The following SLC16A1 variants were observed in gnomAD, a reference collection of about 807,000 sequenced individuals.
The protein encoded by SLC16A1 is monocarboxylate transporter 1.
In SLC16A1, 11 loss-of-function variants were observed where a neutral mutation model predicts 32.2. The observed-to-expected ratio is 0.34, with a 90% CI of 0.21 to 0.56. The LOEUF (loss-of-function observed/expected upper bound fraction) is 0.56, where lower values mean the gene tolerates loss of function less well. Among genes scored for constraint, SLC16A1 ranks in the 20% least tolerant of loss-of-function variants. The pLI, the probability that SLC16A1 is intolerant of heterozygous loss-of-function variation, is 0.87. For synonymous variants in SLC16A1, 231 were observed against 226.8 expected (o/e 1.02, Z -0.17); for missense variants, 435 against 615.0 (o/e 0.71, Z 3.10).
At chr1:112,946,191 G>A (rs1044817033) in intron 1 of SLC16A1, among the ~76,000 whole-genome samples, 2 of 152,068 alleles carry the variant, frequency 1.3e-5, no homozygotes, top group African/African-American at 4.8e-5. Flanking sequence ...CTACCACAGT[G>A]TAACAAAGGG....
At chr1:112,935,723 A>G (rs1014358057) in intron 1 of SLC16A1, 1 of 152,254 alleles carries the variant, frequency 6.6e-6, no homozygotes, top group Non-Finnish European at 1.5e-5. Context: ...AGATAAAGAG[A>G]AAAATCTTAG....
intron 1 of SLC16A1, among the ~76,000 whole-genome samples, chr1:112,947,558 A>G (rs1649746948): frequency 6.6e-6 from 1 of 152,220 alleles, no homozygotes; most frequent in Non-Finnish European, 1.5e-5. Flanking sequence ...TTAGTTTTAC[A>G]TTAACAAAAT....
At chr1:112,955,122 A>C (rs1228802109) in intron 1 of SLC16A1, among the ~76,000 whole-genome samples, 2 of 152,204 alleles carry the variant, frequency 1.3e-5, no homozygotes, top group African/African-American at 2.4e-5. Flanking sequence ...CTAATCAGCC[A>C]CTGGAAACCC....
chr1:112,930,069 T>A (rs1367474864), intron 1 of SLC16A1, among the ~76,000 whole-genome samples: 1 of 152,184 alleles, frequency 6.6e-6, no homozygotes, highest in Non-Finnish European at 1.5e-5. Context: ...AGTAAGCGTT[T>A]CCCTGAGTTC....
chr1:112,951,382 G>GA (rs1202879794), intron 1 of SLC16A1, among the ~76,000 whole-genome samples: 1 of 150,618 alleles, frequency 6.6e-6, no homozygotes, highest in African/African-American at 2.5e-5. Context: ...AGAATCAGAA[G>GA]AAAAAAACTA....
At chr1:112,919,387 G>A (rs975419340) in intron 3 of SLC16A1, among the ~76,000 whole-genome samples, 7 of 152,088 alleles carry the variant, frequency 4.6e-5, no homozygotes, top group African/African-American at 1.2e-4. Flanking sequence ...TTTTACTTTC[G>A]GATTAAGGTA....
chr1:112,925,271 G>A (rs950892636), intron 2 of SLC16A1, among the ~76,000 whole-genome samples: 4 of 152,158 alleles, frequency 2.6e-5, no homozygotes, highest in Non-Finnish European at 5.9e-5. Context: ...CTAGGCTCAA[G>A]TGATACTGCC....
intron 1 of SLC16A1, among the ~76,000 whole-genome samples, chr1:112,941,433 C>G (rs1649510271): frequency 6.6e-6 from 1 of 152,062 alleles, no homozygotes; most frequent in Non-Finnish European, 1.5e-5. Context: ...AGGCATGCTG[C>G]CACCACACCT....
chr1:112,920,355 C>T (rs911567149), intron 3 of SLC16A1, among the ~76,000 whole-genome samples: 2 of 152,078 alleles, frequency 1.3e-5, no homozygotes, highest in African/African-American at 2.4e-5. Flanking sequence ...CGCCTGTAAT[C>T]CCAGCACTTT....
intron 1 of SLC16A1, among the ~76,000 whole-genome samples, chr1:112,948,430 C>T (rs983305685): frequency 6.6e-5 from 10 of 152,028 alleles, no homozygotes; most frequent in Admixed American, 5.2e-4. Flanking sequence ...GACTATGCTG[C>T]CATTAAGATA....
chr1:112,949,612 T>C (rs987723810), intron 1 of SLC16A1, among the ~76,000 whole-genome samples: 1 of 152,210 alleles, frequency 6.6e-6, no homozygotes, highest in African/African-American at 2.4e-5. Flanking sequence ...CAGGGGTCCT[T>C]AGACTCTGGT....
At position 112,913,566 on chromosome 1, in the gene SLC16A1, TAAG is replaced by T. The variant is rs1648395935; in HGVS notation, c.*322_*324del. 3 of 271,296 alleles carry T rather than the reference TAAG, an allele frequency of 1.1e-5. No homozygotes were observed. In the Admixed American group the frequency reaches 1.4e-4, roughly 13 times the overall value. 16.8% of individuals were successfully genotyped at this position (271,296 alleles called of 1,614,324 possible). A position where few individuals can be genotyped will look rare whatever the true frequency, so the allele number is the denominator to read the frequency against. On this transcript the variant is annotated 3_prime_UTR_variant, in exon 5 of 5. Transcript: ENST00000369626. ...ATAGATGAATTCAGCAAAAATGGTTTAAGAAGTTAAGGCTCTCTAGAGTTCTAA... is the reference window on the plus strand; with the variant it reads ...ATAGATGAATTCAGCAAAAATGGTTTAAGTTAAGGCTCTCTAGAGTTCTAA...
chr1:112,926,031 T>C (rs1310266588), intron 2 of SLC16A1, among the ~76,000 whole-genome samples: 1 of 152,202 alleles, frequency 6.6e-6, no homozygotes, highest in Non-Finnish European at 1.5e-5. Flanking sequence ...CTTTATAGGA[T>C]TGTTGAAAGA....
intron 1 of SLC16A1, among the ~76,000 whole-genome samples, chr1:112,942,827 A>C (rs1179887110): frequency 6.6e-6 from 1 of 152,232 alleles, no homozygotes; most frequent in Non-Finnish European, 1.5e-5. Context: ...CCTCTTGTAC[A>C]GTAGTTGTTT....
intron 1 of SLC16A1, among the ~76,000 whole-genome samples, chr1:112,930,732 T>G (rs954848721): frequency 3.7e-4 from 56 of 151,418 alleles, no homozygotes; most frequent in African/African-American, 1.3e-3. Flanking sequence ...AGGTTTTTTT[T>G]TTTTTTTTTT....
chr1:112,924,843 G>A (rs1648879604), intron 2 of SLC16A1, among the ~76,000 whole-genome samples: 1 of 152,086 alleles, frequency 6.6e-6, no homozygotes, highest in African/African-American at 2.4e-5. Context: ...ATGAGATCGT[G>A]CCTGGGCAAC....
chr1:112,923,385 T>C (rs1449270647), intron 2 of SLC16A1: 2 of 598,828 alleles, frequency 3.3e-6, no homozygotes, highest in Non-Finnish European at 6.1e-6. Flanking sequence ...CCACTGCACG[T>C]TGCTCCCGGG....
At chr1:112,920,887 C>A (rs965750338) in intron 3 of SLC16A1, among the ~76,000 whole-genome samples, 3 of 151,908 alleles carry the variant, frequency 2.0e-5, no homozygotes, top group African/African-American at 7.3e-5. Flanking sequence ...CGCCTGTAAT[C>A]CCAGCACTTT....
chr1:112,915,773 G>GGAA (rs3884279), intron 4 of SLC16A1, among the ~76,000 whole-genome samples: 120,319 of 151,624 alleles, frequency 0.79, 48,375 homozygotes, highest in African/African-American at 0.93. Flanking sequence ...GGTATGAGAT[G>GGAA]GAAGAAGACA....
Sources: gnomAD v4.1 joint callset for allele counts (sites outside exome capture counted in the v4.1 genomes callset) on GRCh38, gnomAD v4.1.1 for gene constraint, MANE v1.5 for transcripts, NCBI Gene and HGNC (gene_info 2026-07-23, HGNC 2026-07-21) for gene names.